ENTREP2: variants seen among roughly 807,000 people sequenced by gnomAD.
ENTREP2 encodes the protein endosomal transmembrane epsin interactor 2.
chr15:29,541,447 T>C, the ENTREP2 span, among the ~76,000 whole-genome samples: 1 of 151,952 alleles, frequency 6.6e-6, no homozygotes, highest in African/African-American at 2.4e-5. Context: ...GTGAGGAGCA[T>C]GTAACAGAAG....
At chr15:29,667,177 C>T in the ENTREP2 span, among the ~76,000 whole-genome samples, 1 of 151,482 alleles carries the variant, frequency 6.6e-6, no homozygotes, top group Non-Finnish European at 1.5e-5. Context: ...CATATATTTT[C>T]TTTTCTTTTC....
the ENTREP2 span, among the ~76,000 whole-genome samples, chr15:29,176,886 C>G: frequency 1.3e-5 from 2 of 152,220 alleles, no homozygotes; most frequent in Non-Finnish European, 2.9e-5. Flanking sequence ...CTGGGCCTGG[C>G]TCTCAGTCCT....
At chr15:29,536,385 G>A in the ENTREP2 span, among the ~76,000 whole-genome samples, 1 of 152,060 alleles carries the variant, frequency 6.6e-6, no homozygotes, top group Non-Finnish European at 1.5e-5. Context: ...ATGTCACCGA[G>A]GCACTACATT....
chr15:29,583,163 C>T, the ENTREP2 span, among the ~76,000 whole-genome samples: 1 of 152,018 alleles, frequency 6.6e-6, no homozygotes, highest in Non-Finnish European at 1.5e-5. Context: ...AGAAAAATGA[C>T]ATGAAAGCAT....
At chr15:29,330,136 TGATGA>T in the ENTREP2 span, among the ~76,000 whole-genome samples, 2 of 152,144 alleles carry the variant, frequency 1.3e-5, no homozygotes, top group South Asian at 2.1e-4. Flanking sequence ...CCCCCTGATG[TGATGA>T]GATAAGAACA....
the ENTREP2 span, among the ~76,000 whole-genome samples, chr15:29,355,187 T>G: frequency 2.0e-5 from 3 of 152,142 alleles, no homozygotes; most frequent in Non-Finnish European, 4.4e-5. Flanking sequence ...CCAGGGCAGC[T>G]CTCAGCTATG....
chr15:29,158,976 G>C, the ENTREP2 span, among the ~76,000 whole-genome samples: 1 of 152,202 alleles, frequency 6.6e-6, no homozygotes, highest in African/African-American at 2.4e-5. Flanking sequence ...AAAAGCGACA[G>C]CAATGACAAT....
the ENTREP2 span, among the ~76,000 whole-genome samples, chr15:29,153,889 C>T: frequency 6.6e-6 from 1 of 152,344 alleles, no homozygotes; most frequent in South Asian, 2.1e-4. Context: ...TCACTGCAGC[C>T]TCGACCTTCT....
At chr15:29,256,727 C>T in the ENTREP2 span, among the ~76,000 whole-genome samples, 1 of 152,098 alleles carries the variant, frequency 6.6e-6, no homozygotes, top group East Asian at 1.9e-4. Flanking sequence ...AGTTTCATTT[C>T]TAATTACATA....
the ENTREP2 span, among the ~76,000 whole-genome samples, chr15:29,574,069 G>C: frequency 6.6e-5 from 10 of 152,122 alleles, no homozygotes; most frequent in Admixed American, 2.6e-4. Context: ...GAGAAAGGTA[G>C]GGAGAGAGGG....
the ENTREP2 span, among the ~76,000 whole-genome samples, chr15:29,149,810 T>C: frequency 6.6e-6 from 1 of 152,096 alleles, no homozygotes; most frequent in Non-Finnish European, 1.5e-5. Flanking sequence ...GGGGGTCTCA[T>C]CACGAGAGCA....
the ENTREP2 span, among the ~76,000 whole-genome samples, chr15:29,471,480 C>A: frequency 6.6e-6 from 1 of 152,152 alleles, no homozygotes; most frequent in Non-Finnish European, 1.5e-5. Context: ...AACAGAGAGA[C>A]CCCGGGAGGC....
the ENTREP2 span, among the ~76,000 whole-genome samples, chr15:29,600,782 T>C: frequency 6.6e-6 from 1 of 152,042 alleles, no homozygotes; most frequent in South Asian, 2.1e-4. Context: ...TATGACTTAA[T>C]TATTCATATA....
At chr15:29,639,931 G>A in the ENTREP2 span, among the ~76,000 whole-genome samples, 1 of 152,078 alleles carries the variant, frequency 6.6e-6, no homozygotes, top group African/African-American at 2.4e-5. Context: ...ACCACGCCCA[G>A]CTAATTTTTG....
the ENTREP2 span, among the ~76,000 whole-genome samples, chr15:29,224,374 A>C: frequency 2.0e-5 from 3 of 152,200 alleles, no homozygotes; most frequent in Admixed American, 6.5e-5. Flanking sequence ...AAGCTTCCAC[A>C]CTTGTGGAAG....
the ENTREP2 span, among the ~76,000 whole-genome samples, chr15:29,470,810 T>C: frequency 0.51 from 76,947 of 152,094 alleles, 20,563 homozygotes; most frequent in African/African-American, 0.7. Flanking sequence ...ATTCTCTTCC[T>C]AGATTAATTT....
the ENTREP2 span, among the ~76,000 whole-genome samples, chr15:29,146,934 T>C: frequency 4.0e-5 from 6 of 150,760 alleles, no homozygotes; most frequent in African/African-American, 1.5e-4. Flanking sequence ...GACTCCATCT[T>C]GGGGAAAAAA....
the ENTREP2 span, among the ~76,000 whole-genome samples, chr15:29,262,280 T>C: frequency 6.6e-6 from 1 of 152,172 alleles, no homozygotes; most frequent in Non-Finnish European, 1.5e-5. Flanking sequence ...TCTCTGACCT[T>C]CTCCTGTCTT....
the ENTREP2 span, among the ~76,000 whole-genome samples, chr15:29,536,122 G>T: frequency 6.6e-6 from 1 of 152,106 alleles, no homozygotes; most frequent in African/African-American, 2.4e-5. Context: ...AATTCCCCTT[G>T]CCAGTGATTG....
Sources: allele counts gnomAD v4.1 joint callset (sites outside exome capture counted in the v4.1 genomes callset), GRCh38; gene constraint gnomAD v4.1.1; transcripts MANE v1.5; gene names NCBI Gene and HGNC (gene_info 2026-07-23, HGNC 2026-07-21).